CEP112: variants seen among roughly 807,000 people sequenced by gnomAD.
The protein encoded by CEP112 is centrosomal protein of 112 kDa.
In CEP112, 127 loss-of-function variants were observed where a neutral mutation model predicts 153.0. The observed-to-expected ratio is 0.83, with a 90% confidence interval of 0.72 to 0.96. The LOEUF is 0.96. Among genes scored for constraint, CEP112 ranks in the 40% least tolerant of loss-of-function variants. CEP112 has a pLI of 0.00. For synonymous variants in CEP112, 358 were observed against 374.4 expected, an observed-to-expected ratio of 0.96 and a Z score of 0.51; for missense variants, 1,089 against 1,101.2, an observed-to-expected ratio of 0.99 and a Z score of 0.16.
intron 21 of CEP112, among the ~76,000 whole-genome samples, chr17:65,850,904 G>A (rs2057907836): frequency 6.6e-6 from 1 of 152,146 alleles, no homozygotes; most frequent in African/African-American, 2.4e-5. Flanking sequence ...TCATAGCTAT[G>A]CTATCAAGGG....
chr17:65,919,785 C>T (rs755362668), intron 19 of CEP112, among the ~76,000 whole-genome samples: 4 of 152,158 alleles, frequency 2.6e-5, no homozygotes, highest in Non-Finnish European at 4.4e-5. Context: ...AACTGTTGCA[C>T]ATTTGAAGGA....
chr17:65,740,323 G>A (rs944504012), intron 23 of CEP112, among the ~76,000 whole-genome samples: 4 of 152,130 alleles, frequency 2.6e-5, no homozygotes, highest in African/African-American at 9.7e-5. Flanking sequence ...AAGGATGAAA[G>A]CTAGAACAAG....
chr17:65,962,758 CAA>C (rs1281370253), intron 17 of CEP112, among the ~76,000 whole-genome samples: 13 of 152,020 alleles, frequency 8.6e-5, no homozygotes, highest in Non-Finnish European at 1.5e-4. Flanking sequence ...ATGGTTTTAA[CAA>C]GAGGAGTTCC....
intron 17 of CEP112, among the ~76,000 whole-genome samples, chr17:65,979,552 C>A (rs771640738): frequency 6.6e-6 from 1 of 152,124 alleles, no homozygotes; most frequent in Non-Finnish European, 1.5e-5. Flanking sequence ...TAGGCTCTTT[C>A]TAAATGGTAG....
chr17:65,919,664 G>A (rs751866746), intron 19 of CEP112, among the ~76,000 whole-genome samples: 30 of 151,978 alleles, frequency 2.0e-4, no homozygotes, highest in Admixed American at 3.9e-4. Context: ...TCTTGGTTTT[G>A]GAAGAGACCA....
At chr17:66,038,333 G>A (rs984258106) in intron 12 of CEP112, among the ~76,000 whole-genome samples, 2 of 152,062 alleles carry the variant, frequency 1.3e-5, no homozygotes, top group Non-Finnish European at 1.5e-5. Context: ...AGCAAACTAT[G>A]TGACGTCACT....
chr17:66,110,956 G>C (rs1274063412), intron 6 of CEP112, among the ~76,000 whole-genome samples: 4 of 152,092 alleles, frequency 2.6e-5, no homozygotes, highest in African/African-American at 7.2e-5. Flanking sequence ...GAAAATGTTT[G>C]CATCTGACTA....
intron 21 of CEP112, chr17:65,826,665 G>T: frequency 1.8e-6 from 1 of 564,482 alleles, no homozygotes; most frequent in Non-Finnish European, 2.4e-6. Context: ...TATGACGAAA[G>T]GTTGACTTCT....
At chr17:65,695,910 T>C (rs1474752953) in intron 23 of CEP112, among the ~76,000 whole-genome samples, 2 of 152,218 alleles carry the variant, frequency 1.3e-5, no homozygotes, top group Non-Finnish European at 2.9e-5. Flanking sequence ...GCTCAGAATA[T>C]TGGTACTCTA....
At chr17:65,925,859 T>A (rs775717206) in intron 19 of CEP112, among the ~76,000 whole-genome samples, 1 of 152,206 alleles carries the variant, frequency 6.6e-6, no homozygotes, top group African/African-American at 2.4e-5. Context: ...CAAGATGACA[T>A]GACATGGGTC....
chr17:66,147,734 C>G lies in CEP112; in HGVS notation c.471-14971G>C, dbSNP rs78472725. ...CTTAATTCTATTGCATTTGGATATC[C>G]TTTTTTCCCAACACCATTTGTGGAA... is the stretch of plus-strand genomic sequence containing the variant. On this transcript the variant is annotated intron_variant, in intron 4 of 26. Coordinates refer to ENST00000535342, the MANE Select transcript of CEP112 (RefSeq NM_001199165.4). Among the ~76,000 whole-genome samples the G allele has an allele frequency of 7.6e-3, 1,160 of 152,154 alleles. 14 individuals are homozygous for G. Among genetic ancestry groups the G allele is most frequent in the African/African-American group, 0.026 (1,091 of 41,520 alleles).
chr17:65,747,551 C>A lies in CEP112; in HGVS notation c.2457+3111G>T, dbSNP rs1246925539. 2.0e-5 allele frequency among the ~76,000 whole-genome samples: 3 copies of A among 152,288 alleles called. No individual in the cohort carries two copies. The East Asian group carries it at 5.8e-4, about 29-fold the overall frequency. On this transcript the variant is annotated intron_variant, in intron 22 of 26. Transcript: ENST00000535342. Reference sequence around the variant, plus strand: ...GAAAACTATATTAATATTGAAGAGGCAAGGTTAATACATAATCACTTATTA... The same window carrying A: ...GAAAACTATATTAATATTGAAGAGGAAAGGTTAATACATAATCACTTATTA...
chr17:65,937,922 A>T (rs1599078910), intron 18 of CEP112, among the ~76,000 whole-genome samples: 1 of 123,958 alleles, frequency 8.1e-6, no homozygotes, highest in African/African-American at 2.8e-5. Context: ...AGGTGTGCCC[A>T]GCGGCTCATT....
intron 22 of CEP112, 117 bp from the exon 23 acceptor site, chr17:65,743,334 T>C (rs2083644761): frequency 1.4e-6 from 1 of 735,304 alleles, no homozygotes; most frequent in East Asian, 2.6e-5. Flanking sequence ...ACAAATTAAA[T>C]ATTTTCAATT....
At chr17:65,850,368 C>T (rs1458791100) in intron 21 of CEP112, among the ~76,000 whole-genome samples, 1 of 151,942 alleles carries the variant, frequency 6.6e-6, no homozygotes, top group Non-Finnish European at 1.5e-5. Flanking sequence ...GGGAAAATAG[C>T]CTTGGTGCTG....
intron 6 of CEP112, among the ~76,000 whole-genome samples, chr17:66,125,751 A>G (rs1475316968): frequency 1.3e-5 from 2 of 152,070 alleles, no homozygotes; most frequent in Admixed American, 1.3e-4. Context: ...AAAAGAAAAA[A>G]AAGAAGAGAA....
chr17:65,660,689 C>G (rs899311653), intron 24 of CEP112, among the ~76,000 whole-genome samples: 32 of 149,304 alleles, frequency 2.1e-4, no homozygotes, highest in Non-Finnish European at 4.1e-4. Context: ...GGACTACAGG[C>G]GTGTACCACC....
chr17:65,755,703 A>C (rs1397694755), intron 21 of CEP112, among the ~76,000 whole-genome samples: 2 of 152,002 alleles, frequency 1.3e-5, no homozygotes, highest in East Asian at 3.9e-4. Context: ...AGATGAGTCA[A>C]GGATGACTTC....
intron 24 of CEP112, among the ~76,000 whole-genome samples, chr17:65,687,160 A>ATT (rs35675811): frequency 4.6e-3 from 415 of 90,114 alleles, no homozygotes; most frequent in Non-Finnish European, 6.6e-3. Flanking sequence ...GTTATTATTA[A>ATT]TTTTTTTTTT....
Sources: gnomAD v4.1 joint callset for allele counts (sites outside exome capture counted in the v4.1 genomes callset) on GRCh38, gnomAD v4.1.1 for gene constraint, MANE v1.5 for transcripts, NCBI Gene and HGNC (gene_info 2026-07-23, HGNC 2026-07-21) for gene names.